C1QTNF7: variants seen among roughly 807,000 people sequenced by gnomAD.
The protein encoded by C1QTNF7 is complement C1q tumor necrosis factor-related protein 7.
A neutral mutation model predicts 19.6 loss-of-function variants in C1QTNF7; 15 were observed. That is an observed-to-expected ratio of 0.76 (90% CI 0.51 to 1.18). The LOEUF (loss-of-function observed/expected upper bound fraction) is 1.18, where lower values mean the gene tolerates loss of function less well. Among genes scored for constraint, C1QTNF7 ranks in the 50% most tolerant of loss-of-function variants. The pLI is 0.00. For synonymous variants in C1QTNF7, 142 were observed against 137.5 expected (o/e 1.03, Z -0.23); for missense variants, 324 against 359.7 (o/e 0.90, Z 0.80).
rs935093014 is a variant in C1QTNF7, at chr4:15,365,241, C to CT, written c.13+25044dup. ...GCAAGGGAAAGCTCTTAAGAGATCT[C>CT]TTTTTTTTTTCAGGCAGCATTAACT... On this transcript the variant is annotated intron_variant, in intron 1 of 2. Coordinates refer to the C1QTNF7 transcript ENST00000295297. 3.6e-3 allele frequency among the ~76,000 whole-genome samples: 526 copies of CT among 147,818 alleles called. 1 individual carries two copies. Among genetic ancestry groups the CT allele is most frequent in the African/African-American group, 0.012 (465 of 40,320 alleles).
chr4:15,407,866 C>A (rs187598358), intron 1 of C1QTNF7, among the ~76,000 whole-genome samples: 8 of 152,170 alleles, frequency 5.3e-5, no homozygotes, highest in Admixed American at 5.2e-4. Flanking sequence ...GCGGAGGTTG[C>A]AGTGAGCCCA....
chr4:15,352,066 G>A (rs1012256174), intron 1 of C1QTNF7, among the ~76,000 whole-genome samples: 1 of 152,118 alleles, frequency 6.6e-6, no homozygotes, highest in Admixed American at 6.5e-5. Context: ...GGAGAATGAT[G>A]AGAATATTTT....
intron 1 of C1QTNF7, among the ~76,000 whole-genome samples, chr4:15,362,110 C>A (rs2109299615): frequency 6.6e-6 from 1 of 152,310 alleles, no homozygotes; most frequent in Middle Eastern, 3.4e-3. Context: ...TGGGGGTAAA[C>A]ATAGTACCTA....
At chr4:15,413,710 G>A (rs1351614414) in intron 1 of C1QTNF7, among the ~76,000 whole-genome samples, 1 of 152,222 alleles carries the variant, frequency 6.6e-6, no homozygotes, top group East Asian at 1.9e-4. Flanking sequence ...CAAGGTAACA[G>A]CAAATACAAT....
chr4:15,376,405 G>A (rs558326990), intron 1 of C1QTNF7, among the ~76,000 whole-genome samples: 1 of 152,242 alleles, frequency 6.6e-6, no homozygotes, highest in Non-Finnish European at 1.5e-5. Context: ...CACTAGTAAG[G>A]TGTAGAGACT....
intron 2 of C1QTNF7, among the ~76,000 whole-genome samples, chr4:15,441,235 C>T (rs115375164): frequency 0.011 from 1,711 of 152,338 alleles, 15 homozygotes; most frequent in Non-Finnish European, 0.018. Context: ...CTCCATCATT[C>T]ACTAGTTCTC....
intron 1 of C1QTNF7, among the ~76,000 whole-genome samples, chr4:15,370,052 A>G (rs973674923): frequency 6.6e-6 from 1 of 152,226 alleles, no homozygotes; most frequent in Non-Finnish European, 1.5e-5. Flanking sequence ...TAAAAACTGA[A>G]GAAGGTCTGT....
Position 15,399,713 on chromosome 4 carries a change from G to A in C1QTNF7, c.14-36023G>A, listed in dbSNP as rs552757616. Among the ~76,000 whole-genome samples, 33 of 152,162 alleles carry A rather than the reference G, an allele frequency of 2.2e-4. No homozygotes were observed. In the South Asian group the frequency reaches 6.4e-3, roughly 30 times the overall value. ...ATTTGACTATCACCTCCTTACCTATGTCTTATATAACTATAAGTCCAACTT... is the reference window on the plus strand; with the variant it reads ...ATTTGACTATCACCTCCTTACCTATATCTTATATAACTATAAGTCCAACTT... On this transcript the variant is annotated intron_variant, in intron 1 of 2. Coordinates refer to the C1QTNF7 transcript ENST00000295297.
chr4:15,404,218 A>G (rs1329093045), intron 1 of C1QTNF7, among the ~76,000 whole-genome samples: 1 of 152,246 alleles, frequency 6.6e-6, no homozygotes. Flanking sequence ...GACCAAAACC[A>G]TGAGCTGCTC....
intron 1 of C1QTNF7, among the ~76,000 whole-genome samples, chr4:15,349,937 A>G (rs1455414666): frequency 6.6e-6 from 1 of 151,974 alleles, no homozygotes; most frequent in African/African-American, 2.4e-5. Context: ...TGTAACTCTT[A>G]GTTAATCAGA....
At chr4:15,351,163 T>C (rs1199532582) in intron 1 of C1QTNF7, among the ~76,000 whole-genome samples, 1 of 152,220 alleles carries the variant, frequency 6.6e-6, no homozygotes, top group East Asian at 1.9e-4. Context: ...TTTAGGGATA[T>C]GAAACAGAAA....
At chr4:15,345,975 A>G (rs1263375734) in intron 1 of C1QTNF7, among the ~76,000 whole-genome samples, 1 of 152,158 alleles carries the variant, frequency 6.6e-6, no homozygotes, top group African/African-American at 2.4e-5. Flanking sequence ...CACCCTTTCC[A>G]CACTGTCACA....
chr4:15,372,115 G>GA (rs969496837), intron 1 of C1QTNF7, among the ~76,000 whole-genome samples: 8 of 150,392 alleles, frequency 5.3e-5, no homozygotes, highest in South Asian at 2.1e-4. Flanking sequence ...TTCAGTGAGG[G>GA]AAAAAAAAAG....
chr4:15,434,481 C>T (rs1294651267), intron 1 of C1QTNF7, among the ~76,000 whole-genome samples: 2 of 152,086 alleles, frequency 1.3e-5, no homozygotes, highest in East Asian at 3.9e-4. Context: ...GTGATGATTT[C>T]CTTTGGGAGA....
chr4:15,426,920 T>C (rs562888359), upstream of C1QTNF7, among the ~76,000 whole-genome samples: 1 of 152,302 alleles, frequency 6.6e-6, no homozygotes, highest in South Asian at 2.1e-4. Context: ...CCATCTTATT[T>C]TGAAAGTGAG....
At chr4:15,424,843 A>G (rs1483558225), upstream of C1QTNF7, among the ~76,000 whole-genome samples, 1 of 152,168 alleles carries the variant, frequency 6.6e-6, no homozygotes, top group Non-Finnish European at 1.5e-5. Context: ...GTTGCCTATC[A>G]TTCTCTGCTT....
chr4:15,358,612 C>G (rs988902554), intron 1 of C1QTNF7: 3 of 152,108 alleles, frequency 2.0e-5, no homozygotes, highest in Non-Finnish European at 4.4e-5. Flanking sequence ...TTTTAAGGAT[C>G]AATTAAAGTT....
chr4:15,393,142 G>A lies in C1QTNF7; in HGVS notation c.14-42594G>A, dbSNP rs185556116. On this transcript the variant is annotated intron_variant, in intron 1 of 2. Coordinates refer to the C1QTNF7 transcript ENST00000295297. ...GGTTTTATAAGGGGAAATCTCTTTC[G>A]CTTGGCCCTCTTTTCTGTCTTGTCT... Among the ~76,000 whole-genome samples, 223 of 152,230 alleles carry A rather than the reference G, an allele frequency of 1.5e-3. 2 individuals are homozygous for A. Among genetic ancestry groups the A allele is most frequent in the Non-Finnish European group, 2.3e-3 (159 of 68,012 alleles).
intron 1 of C1QTNF7, among the ~76,000 whole-genome samples, chr4:15,381,112 C>T (rs1160974281): frequency 1.3e-5 from 2 of 151,604 alleles, no homozygotes; most frequent in Non-Finnish European, 2.9e-5. Flanking sequence ...CTAGCTGTAT[C>T]TCTTTTAATA....
Sources: allele counts gnomAD v4.1 joint callset (sites outside exome capture counted in the v4.1 genomes callset), GRCh38; gene constraint gnomAD v4.1.1; transcripts MANE v1.5; gene names NCBI Gene and HGNC (gene_info 2026-07-23, HGNC 2026-07-21).